PIEZO1: variants seen among roughly 807,000 people sequenced by gnomAD.
PIEZO1 encodes the protein piezo-type mechanosensitive ion channel component 1.
Under a neutral mutation model 297.2 loss-of-function variants are expected in PIEZO1, and 296 were observed. The ratio of observed to expected loss-of-function variants is 1.00; its 90% CI spans 0.91 to 1.10. The LOEUF (loss-of-function observed/expected upper bound fraction) is 1.10, where lower values mean the gene tolerates loss of function less well. Among genes scored for constraint, PIEZO1 ranks in the 50% least tolerant of loss-of-function variants. The pLI is 0.00. For missense variants in PIEZO1, 5,018 were observed against 3,455.5 expected (o/e 1.45, Z -11.34); for synonymous variants, 2,427 against 1,507.5 (o/e 1.61, Z -14.13).
intron 1 of PIEZO1, 125 bp downstream of exon 1, chr16:88,784,776 C>T (rs1296725194): frequency 4.7e-6 from 3 of 641,500 alleles, no homozygotes; most frequent in Non-Finnish European, 6.8e-6. Context: ...GTCGCGCGTC[C>T]CTGGGAATTT....
intron 16 of PIEZO1, 138 bp downstream of exon 16, chr16:88,734,218 C>T (rs1905060041): frequency 8.5e-7 from 1 of 1,180,280 alleles, no homozygotes; most frequent in Admixed American, 2.8e-5. Flanking sequence ...CACGCTACTG[C>T]CATCCCCTTG....
intron 1 of PIEZO1, among the ~76,000 whole-genome samples, chr16:88,766,116 T>G (rs1382101781): frequency 6.6e-6 from 1 of 152,190 alleles, no homozygotes; most frequent in Non-Finnish European, 1.5e-5. Context: ...GGTTGATTCA[T>G]GTGTCAGCGC....
intron 10 of PIEZO1, chr16:88,736,958 TC>T (rs1171774817): frequency 4.4e-6 from 2 of 451,290 alleles, no homozygotes; most frequent in African/African-American, 4.1e-5. Context: ...GGCCTCACTT[TC>T]CTTGAAAGGG....
chr16:88,751,491 A>G (rs1011991230), intron 1 of PIEZO1, among the ~76,000 whole-genome samples: 1 of 152,178 alleles, frequency 6.6e-6, no homozygotes, highest in Non-Finnish European at 1.5e-5. Flanking sequence ...CTTAGCGCAC[A>G]CATCGCGGAG....
intron 1 of PIEZO1, among the ~76,000 whole-genome samples, chr16:88,759,589 C>T (rs935228069): frequency 2.6e-5 from 4 of 152,196 alleles, no homozygotes; most frequent in Admixed American, 2.0e-4. Flanking sequence ...CAGCTCCTGG[C>T]GGCCGCTGCT....
At chr16:88,766,495 G>T (rs1907187133) in intron 1 of PIEZO1, among the ~76,000 whole-genome samples, 1 of 152,218 alleles carries the variant, frequency 6.6e-6, no homozygotes, top group Admixed American at 6.5e-5. Context: ...GAGGCCTGGG[G>T]ACCCCGAGTT....
At position 88,734,344 on chromosome 16, in the gene PIEZO1, G is replaced by C; in HGVS notation, c.2180+12C>G. The C allele has an allele frequency of 2.0e-6, 3 of 1,506,574 alleles. No individual in the cohort carries two copies. Among genetic ancestry groups the C allele is most frequent in the Non-Finnish European group, 2.7e-6 (3 of 1,123,656 alleles). 93.3% of individuals were successfully genotyped at this position (1,506,574 alleles called of 1,614,324 possible). ...ACCTCTCCAGGGCCGGACAGGGAGGGCGGGGCCGCACCTGTGAGCCCAGCG... is the reference window on the plus strand; with the variant it reads ...ACCTCTCCAGGGCCGGACAGGGAGGCCGGGGCCGCACCTGTGAGCCCAGCG... On this transcript the variant is annotated intron_variant, in intron 16 of 50. Coordinates refer to ENST00000301015, the MANE Select transcript of PIEZO1 (RefSeq NM_001142864.4).
intron 44 of PIEZO1, 166 bp downstream of exon 44, chr16:88,719,408 A>T: frequency 1.6e-6 from 1 of 635,082 alleles, no homozygotes; most frequent in Non-Finnish European, 2.7e-6. Context: ...TGCCAAGATC[A>T]CTGGCCTCGT....
At chr16:88,749,637 G>A (rs550795021) in intron 1 of PIEZO1, among the ~76,000 whole-genome samples, 158 bp from the exon 2 acceptor site, 1 of 152,236 alleles carries the variant, frequency 6.6e-6, no homozygotes, top group Non-Finnish European at 1.5e-5. Flanking sequence ...TCGCGCTTCC[G>A]TACATATCTC....
chr16:88,725,942 T>C lies in PIEZO1; in HGVS notation c.3969-258A>G. 3 of 567,990 alleles carry C rather than the reference T, an allele frequency of 5.3e-6. No homozygotes were observed. The South Asian group carries it at 6.5e-5, about 12-fold the overall frequency. 35.2% of individuals were successfully genotyped at this position (567,990 alleles called of 1,614,324 possible). ...ACAGCTGCAGGGAAGAAGGCAAAGC[T>C]GGCCCCAAGCCAGAACCCCTCCCTG... is the stretch of plus-strand genomic sequence containing the variant. On this transcript the variant is annotated intron_variant, in intron 27 of 50. Transcript: ENST00000301015.
chr16:88,723,287 C>A lies in PIEZO1; in HGVS notation c.4377G>T (p.Leu1459=), dbSNP rs1381400216. 1.9e-6 allele frequency: 3 copies of A among 1,541,152 alleles called. No homozygotes were observed. Among genetic ancestry groups the A allele is most frequent in the East Asian group, 2.4e-5 (1 of 40,924 alleles). ...GCTCCTGCTCCTGCTGCCGCCGCCT[C>A]AGCACCGCCTGGGCGTTGGTCACCC... The part of the protein sequence containing the change: ...QAWVTNAQAV[L]RRRQQEQEQA... Residue 1459 remains leucine (L), a synonymous_variant, in exon 32 of 51, where the codon CTG becomes CTT. Coordinates refer to ENST00000301015, the MANE Select transcript of PIEZO1 (RefSeq NM_001142864.4).
chr16:88,773,968 G>A (rs1357741981), intron 1 of PIEZO1, among the ~76,000 whole-genome samples: 9 of 152,050 alleles, frequency 5.9e-5, no homozygotes, highest in Non-Finnish European at 8.8e-5. Flanking sequence ...CTTCAGCACC[G>A]CAAGCCTCCT....
chr16:88,725,887 G>A, intron 27 of PIEZO1: 2 of 586,536 alleles, frequency 3.4e-6, no homozygotes, highest in South Asian at 4.2e-5. Flanking sequence ...CCGTACAGAT[G>A]CAGGGGCGTC....
rs146662096 is a variant in PIEZO1, at chr16:88,756,873, G to A, written c.65-7394C>T. 4.2e-3 allele frequency among the ~76,000 whole-genome samples: 643 copies of A among 152,140 alleles called. 8 individuals carry two copies. The highest frequency in any genetic ancestry group is 0.015 in the African/African-American group (624 of 41,490). On this transcript the variant is annotated intron_variant, in intron 1 of 50. Transcript: ENST00000301015. ...GGGCAGATCAGAAGGTCAGGAGATC[G>A]AGACCATCCTGGCCAACATGGTGAA...
chr16:88,765,917 G>C (rs529283590), intron 1 of PIEZO1, among the ~76,000 whole-genome samples: 1 of 152,022 alleles, frequency 6.6e-6, no homozygotes, highest in Non-Finnish European at 1.5e-5. Flanking sequence ...CAGGTGACCC[G>C]CCCACCCAGG....
chr16:88,737,625 C>T lies in PIEZO1; in HGVS notation c.1129G>A (p.Asp377Asn), dbSNP rs1397578028. Reference protein sequence around the residue: ...SDQHVVPTAPDTEADNCIVHE... With the variant: ...SDQHVVPTAPNTEADNCIVHE... ...ACGATGCAGTTATCAGCCTCGGTGT[C>T]GGGTGCTGTGGGCACCACGTGCTGT... The change falls in exon 10 of 51, where the codon GAC becomes AAC. Residue 377 changes from aspartate to asparagine, a missense_variant. Coordinates refer to ENST00000301015, the MANE Select transcript of PIEZO1 (RefSeq NM_001142864.4). 1.4e-5 allele frequency: 21 copies of T among 1,534,990 alleles called. No homozygotes were observed. In the South Asian group the frequency reaches 1.9e-4, roughly 14 times the overall value.
At chr16:88,719,128 G>A (rs1912247765) in intron 44 of PIEZO1, 2 of 198,260 alleles carry the variant, frequency 1.0e-5, no homozygotes, top group South Asian at 9.3e-5. Flanking sequence ...GGATGATAGG[G>A]GTGAGCCGCT....
intron 36 of PIEZO1, 26 bp from the exon 37 acceptor site, chr16:88,722,092 G>C (rs1904283261): frequency 6.5e-7 from 1 of 1,538,666 alleles, no homozygotes; most frequent in African/African-American, 1.4e-5. Flanking sequence ...CGTGTTTGGG[G>C]GAGTCTGGGA....
intron 10 of PIEZO1, chr16:88,737,240 C>A (rs970317444): frequency 1.7e-5 from 5 of 295,596 alleles, no homozygotes; most frequent in African/African-American, 6.8e-5. Context: ...CCAGAGCTAA[C>A]AGCACAAGAC....
Sources: gnomAD v4.1 joint callset for allele counts (sites outside exome capture counted in the v4.1 genomes callset) on GRCh38, gnomAD v4.1.1 for gene constraint, MANE v1.5 for transcripts, NCBI Gene and HGNC (gene_info 2026-07-23, HGNC 2026-07-21) for gene names.